PMM1: variants seen among roughly 807,000 people sequenced by gnomAD.
The protein encoded by PMM1 is phosphomannomutase 1, also known as brain glucose-1,6-bisphosphatase.
Under a neutral mutation model 34.0 loss-of-function variants are expected in PMM1, and 25 were observed. That is an observed-to-expected ratio of 0.73 (90% confidence interval 0.54 to 1.03). The LOEUF is 1.03. Among genes scored for constraint, PMM1 ranks in the 50% least tolerant of loss-of-function variants. The pLI, the probability that PMM1 is intolerant of heterozygous loss-of-function variation, is 0.00. For synonymous variants in PMM1, 134 were observed against 143.9 expected (o/e 0.93, Z 0.49); for missense variants, 321 against 350.1 (o/e 0.92, Z 0.66).
Position 41,584,536 on chromosome 22 carries a change from G to A in PMM1, c.273C>T (p.Leu91=). ...GTVQYKHGRL[L]SKQTIQNHLG... is the part of the protein sequence containing the mutation. ...CCTGGGGGACACTGACCTGCTTGGA[G>A]AGCAGTCGTCCGTGCTTATACTGCA... Residue 91 remains leucine, a synonymous_variant, in exon 3 of 8, where the codon CTC becomes CTT. Transcript: ENST00000216259. 1 of 1,613,398 alleles carries A rather than the reference G, an allele frequency of 6.2e-7. No homozygotes were observed. Among genetic ancestry groups the A allele is most frequent in the East Asian group, 2.2e-5 (1 of 44,882 alleles).
chr22:41,586,276 C>A, intron 1 of PMM1, 83 bp from the exon 2 acceptor site: 1 of 1,577,840 alleles, frequency 6.3e-7, no homozygotes, highest in Non-Finnish European at 8.5e-7. Flanking sequence ...GTGCTGAGAA[C>A]CCAGGAAGCC....
At chr22:41,578,332 G>A (rs1234596302) in intron 6 of PMM1, among the ~76,000 whole-genome samples, 1 of 152,176 alleles carries the variant, frequency 6.6e-6, no homozygotes, top group Non-Finnish European at 1.5e-5. Context: ...AGAGCCTGGG[G>A]AGGACTTTGG....
Position 41,589,401 on chromosome 22 carries a change from G to A in PMM1, c.87+318C>T, listed in dbSNP as rs985221106. ...GCTCAGGAGGCGGGGGCGTCCGTGA[G>A]CCAGGCCTTAGCGGCGTGTGACAGC... On this transcript the variant is annotated intron_variant, in intron 1 of 7. Coordinates refer to ENST00000216259, the MANE Select transcript of PMM1 (RefSeq NM_002676.3). The A allele has an allele frequency of 3.1e-5, 15 of 486,630 alleles. No homozygotes were observed. The Admixed American group carries it at 4.9e-4, about 16-fold the overall frequency. 30.1% of individuals were successfully genotyped at this position (486,630 alleles called of 1,614,324 possible).
intron 5 of PMM1, among the ~76,000 whole-genome samples, chr22:41,580,950 A>G (rs2145615757): frequency 6.6e-6 from 1 of 152,184 alleles, no homozygotes; most frequent in South Asian, 2.1e-4. Flanking sequence ...CCCTGTCTCT[A>G]CTAAAAATAC....
At chr22:41,579,219 C>T (rs1351874506) in intron 5 of PMM1, 1 of 292,496 alleles carries the variant, frequency 3.4e-6, no homozygotes, top group Non-Finnish European at 6.8e-6. Flanking sequence ...GGGCAGGGCT[C>T]GATCCTGTTA....
intron 2 of PMM1, 138 bp from the exon 3 acceptor site, chr22:41,584,741 C>T (rs2067288991): frequency 1.6e-5 from 10 of 626,018 alleles, no homozygotes; most frequent in Non-Finnish European, 2.5e-5. Context: ...AGGCTACAAC[C>T]TGCTTCTCCA....
intron 6 of PMM1, 84 bp from the exon 7 acceptor site, chr22:41,578,007 TCAA>T: frequency 9.9e-7 from 1 of 1,006,564 alleles, no homozygotes; most frequent in Non-Finnish European, 1.6e-6. Flanking sequence ...ATTCATTCAT[TCAA>T]CAACCCTTGA....
chr22:41,587,827 T>C (rs1240451763), intron 1 of PMM1, among the ~76,000 whole-genome samples: 1 of 152,216 alleles, frequency 6.6e-6, no homozygotes, highest in Non-Finnish European at 1.5e-5. Flanking sequence ...CAGAGTGGAC[T>C]TTACCCTTCT....
chr22:41,587,822 T>C (rs777242831), intron 1 of PMM1, among the ~76,000 whole-genome samples: 10 of 152,028 alleles, frequency 6.6e-5, no homozygotes, highest in Non-Finnish European at 1.5e-4. Flanking sequence ...GCGGTCAGAG[T>C]GGACTTTACC....
rs531961354 is a variant in PMM1 at position 41,587,802 on chromosome 22, C to G, written c.88-1609G>C. On this transcript the variant is annotated intron_variant, in intron 1 of 7. Transcript: ENST00000216259. ...ACATTAACTTGGGGAGCCGGCCAGG[C>G]TCCCCAAGTGCGGTCAGAGTGGACT... is the stretch of plus-strand genomic sequence containing the variant. Among the ~76,000 whole-genome samples, 41 of 152,330 alleles carry G rather than the reference C, an allele frequency of 2.7e-4. No individual in the cohort carries two copies. In the South Asian group the frequency reaches 8.5e-3, roughly 32 times the overall value.
At chr22:41,584,206 A>G in intron 4 of PMM1, 75 bp downstream of exon 4, 1 of 1,411,618 alleles carries the variant, frequency 7.1e-7, no homozygotes, top group Non-Finnish European at 1.0e-6. Flanking sequence ...AAGTATCTCC[A>G]GGTTCCCTCT....
chr22:41,586,382 C>A, intron 1 of PMM1, 189 bp from the exon 2 acceptor site: 3 of 1,013,204 alleles, frequency 3.0e-6, no homozygotes, highest in Non-Finnish European at 4.0e-6. Context: ...CAACACTTTG[C>A]GAGGCCAAGG....
chr22:41,589,712 G>C lies in PMM1; in HGVS notation c.87+7C>G. 6.2e-7 allele frequency: 1 copy of C among 1,608,462 alleles called. No individual in the cohort carries two copies. The highest frequency in any genetic ancestry group is 1.1e-5 in the South Asian group (1 of 90,098). ...CCGGTGGGAGCTTCCAATCTTCAGG[G>C]TCCTACCTGGCGAGCCGGCGTGAGG... On this transcript the variant is annotated splice_region_variant and intron_variant, in intron 1 of 7. Coordinates refer to ENST00000216259, the MANE Select transcript of PMM1 (RefSeq NM_002676.3).
In PMM1 at chr22:41,589,796, T is replaced by A. The variant is rs776673852; in HGVS notation, c.10A>T (p.Thr4Ser). Residue 4 changes from threonine to serine, a missense_variant, in exon 1 of 8, where the codon ACC (threonine) becomes TCC (serine). Coordinates refer to ENST00000216259, the MANE Select transcript of PMM1 (RefSeq NM_002676.3). ...TCCTTCCTGCGGGCTGCCTGGGCGG[T>A]GACTGCCATGGCTGCAGGTCCGCGC... The part of the protein sequence containing the change: MAV[T>S]AQAARRKERV... 4 of 1,606,868 alleles carry A rather than the reference T, an allele frequency of 2.5e-6. No homozygotes were observed. In the South Asian group the frequency reaches 3.3e-5, roughly 13 times the overall value.
rs751890335 is a variant in PMM1, at chr22:41,577,246, C to T, written c.*72G>A. ...CCAGAGGAGGGGCCCTGGCATCTAT[C>T]CAACACCAGGACCTCTCTTTAGGCC... On this transcript the variant is annotated 3_prime_UTR_variant, in exon 8 of 8. Coordinates refer to ENST00000216259, the MANE Select transcript of PMM1 (RefSeq NM_002676.3). 7.5e-6 allele frequency: 12 copies of T among 1,594,950 alleles called. No individual in the cohort carries two copies. Among genetic ancestry groups the T allele is most frequent in the Middle Eastern group, 1.7e-4 (1 of 6,036 alleles).
At chr22:41,589,056 A>T (rs934931313) in intron 1 of PMM1, 1 of 1,296,496 alleles carries the variant, frequency 7.7e-7, no homozygotes, top group Non-Finnish European at 1.0e-6. Context: ...TCTTACCCTC[A>T]CTATTCCTCA....
intron 2 of PMM1, 91 bp downstream of exon 2, chr22:41,585,985 C>G: frequency 1.1e-6 from 1 of 947,208 alleles, no homozygotes; most frequent in Non-Finnish European, 1.6e-6. Context: ...CTCTCTATTT[C>G]TTCTGCCCCA....
At chr22:41,584,246 C>A (rs760671417) in intron 4 of PMM1, 35 bp downstream of exon 4, 4 of 1,586,534 alleles carry the variant, frequency 2.5e-6, no homozygotes, top group Non-Finnish European at 3.5e-6. Context: ...TCCCTCAGGC[C>A]CCAGGTTCTG....
At chr22:41,579,642 T>C (rs1325968042) in intron 5 of PMM1, 1 of 152,518 alleles carries the variant, frequency 6.6e-6, no homozygotes, top group Non-Finnish European at 1.5e-5. Context: ...GCGCTGAGGA[T>C]TCTGGAGCAC....
Sources: gnomAD v4.1 joint callset for allele counts (sites outside exome capture counted in the v4.1 genomes callset) on GRCh38, gnomAD v4.1.1 for gene constraint, MANE v1.5 for transcripts, NCBI Gene and HGNC (gene_info 2026-07-23, HGNC 2026-07-21) for gene names.